The following UBAP1 variants were observed in gnomAD, a reference collection of about 807,000 sequenced individuals.
UBAP1 encodes the protein ubiquitin associated protein 1.
UBAP1 carries 5 observed loss-of-function variants against 39.0 expected under a neutral mutation model. That is an observed-to-expected ratio of 0.13 (90% CI 0.07 to 0.27). The LOEUF (loss-of-function observed/expected upper bound fraction) is 0.27, where lower values mean the gene tolerates loss of function less well. UBAP1 is among the 10% of genes least tolerant of loss of function. The pLI is 1.00. For synonymous variants in UBAP1, 211 were observed against 225.1 expected (o/e 0.94, Z 0.56); for missense variants, 490 against 608.1 (o/e 0.81, Z 2.04).
chr9:34,202,749 A>G (rs1831473455), intron 1 of UBAP1, among the ~76,000 whole-genome samples: 2 of 151,712 alleles, frequency 1.3e-5, no homozygotes, highest in Admixed American at 1.3e-4. Flanking sequence ...TTTTATATAC[A>G]TACCCTCTGC....
At chr9:34,205,718 A>G (rs1393446339) in intron 1 of UBAP1, among the ~76,000 whole-genome samples, 1 of 152,102 alleles carries the variant, frequency 6.6e-6, no homozygotes, top group Non-Finnish European at 1.5e-5. Flanking sequence ...GGTTGGCAGG[A>G]CGTGGTGGCT....
chr9:34,246,716 AGCTGTCTTGAGGTTAGGCTTG>A (rs1834195428), intron 4 of UBAP1, among the ~76,000 whole-genome samples: 1 of 152,222 alleles, frequency 6.6e-6, no homozygotes, highest in Non-Finnish European at 1.5e-5. Context: ...ACTTGGTAGA[AGCTGTCTTGAGGTTAGGCTTG>A]AGGGCCACAT....
chr9:34,210,910 A>G (rs2131554673), intron 1 of UBAP1, among the ~76,000 whole-genome samples: 1 of 152,126 alleles, frequency 6.6e-6, no homozygotes, highest in East Asian at 1.9e-4. Flanking sequence ...CATGTCAGGC[A>G]GTATATAAAA....
chr9:34,199,802 AT>A (rs34239421), intron 1 of UBAP1, among the ~76,000 whole-genome samples: 3,858 of 119,644 alleles, frequency 0.032, 88 homozygotes, highest in East Asian at 0.15. Flanking sequence ...TGCCTGGCTG[AT>A]TTTTTTTTTT....
In UBAP1 at chr9:34,241,638, T is replaced by C; in HGVS notation, c.613T>C (p.Ser205Pro). ...GGACAATAACTTGCCCAGGGGAGGCTCTGGGTCTGTGTTACAGGATGAGGA... is the reference window on the plus strand; with the variant it reads ...GGACAATAACTTGCCCAGGGGAGGCCCTGGGTCTGTGTTACAGGATGAGGA... ...LLDNNLPRGGSGSVLQDEEVL... is the reference protein window; with the variant it reads ...LLDNNLPRGGPGSVLQDEEVL... The change falls in exon 4 of 7, where the codon TCT (serine) becomes CCT (proline). Residue 205 changes from serine (S) to proline (P), a missense_variant. Coordinates refer to ENST00000297661, the MANE Select transcript of UBAP1 (RefSeq NM_016525.5). 1 of 1,613,970 alleles carries C rather than the reference T, an allele frequency of 6.2e-7. No individual in the cohort carries two copies. Among genetic ancestry groups the C allele is most frequent in the Non-Finnish European group, 8.5e-7 (1 of 1,179,968 alleles).
intron 3 of UBAP1, among the ~76,000 whole-genome samples, chr9:34,238,391 C>T (rs62556595): frequency 0.32 from 49,333 of 152,034 alleles, 9,815 homozygotes; most frequent in Non-Finnish European, 0.45. Context: ...ATAGGAATGG[C>T]ATTGCTGGGT....
chr9:34,194,772 TTA>T (rs1157348471), intron 1 of UBAP1, among the ~76,000 whole-genome samples: 1 of 152,224 alleles, frequency 6.6e-6, no homozygotes, highest in African/African-American at 2.4e-5. Flanking sequence ...TACAATAACT[TTA>T]TGAGATAGTT....
At chr9:34,191,241 A>C (rs1384389937) in intron 1 of UBAP1, among the ~76,000 whole-genome samples, 2 of 152,168 alleles carry the variant, frequency 1.3e-5, no homozygotes, top group East Asian at 3.8e-4. Flanking sequence ...ATTCTGAGTC[A>C]GTAGCTCTGG....
At position 34,248,016 on chromosome 9, in the gene UBAP1, C is replaced by T. The variant is rs557250809; in HGVS notation, c.1084-1763C>T. ...TCCACCAGTAGGGTATGTGAGAGTA[C>T]TGCATGTATGTTTAAAATAGATACG... On this transcript the variant is annotated intron_variant, in intron 4 of 6. Coordinates refer to ENST00000297661, the MANE Select transcript of UBAP1 (RefSeq NM_016525.5). 9.9e-5 allele frequency among the ~76,000 whole-genome samples: 15 copies of T among 151,828 alleles called. 1 individual carries two copies. In the South Asian group the frequency reaches 3.1e-3, roughly 32 times the overall value.
chr9:34,212,998 C>G (rs1192392169), intron 1 of UBAP1, among the ~76,000 whole-genome samples: 1 of 152,110 alleles, frequency 6.6e-6, no homozygotes, highest in Non-Finnish European at 1.5e-5. Flanking sequence ...AAAGATAATC[C>G]ACCATGATCA....
chr9:34,250,122 C>T (rs369703444), intron 5 of UBAP1, among the ~76,000 whole-genome samples, 161 bp downstream of exon 5: 120 of 152,306 alleles, frequency 7.9e-4, no homozygotes, highest in African/African-American at 2.8e-3. Flanking sequence ...GCCTTGGGAG[C>T]AGTACTTCTT....
At chr9:34,246,345 C>G (rs1449083539) in intron 4 of UBAP1, among the ~76,000 whole-genome samples, 1 of 152,230 alleles carries the variant, frequency 6.6e-6, no homozygotes. Flanking sequence ...GGATTATAGG[C>G]ATGAGCCATT....
intron 5 of UBAP1, among the ~76,000 whole-genome samples, chr9:34,250,421 G>A (rs1487002458): frequency 2.0e-5 from 3 of 152,306 alleles, no homozygotes; most frequent in East Asian, 3.9e-4. Flanking sequence ...GTCAGCTGTG[G>A]CTGCAACTCC....
At chr9:34,207,497 C>T (rs750376198) in intron 1 of UBAP1, among the ~76,000 whole-genome samples, 19 of 151,378 alleles carry the variant, frequency 1.3e-4, no homozygotes, top group African/African-American at 2.7e-4. Flanking sequence ...TTGAATATCC[C>T]GCTCAAGAGT....
At position 34,226,105 on chromosome 9, in the gene UBAP1, TTGTGTGTGTGTGTGTGTGTGTGTGTGTG is replaced by T. The variant is rs74180553; in HGVS notation, c.34+5182_34+5209del. On this transcript the variant is annotated intron_variant, in intron 2 of 6. Transcript: ENST00000297661. ...CCTTCTAAAGTTTCCTCCTACTCTA[TTGTGTGTGTGTGTGTGTGTGTGTGTGTG>T]TGTGTGTGTGTGTGTGTGTGTGTGG... Among the ~76,000 whole-genome samples, 7 of 88,308 alleles carry T rather than the reference TTGTGTGTGTGTGTGTGTGTGTGTGTGTG, an allele frequency of 7.9e-5. No homozygotes were observed. In the East Asian group the frequency reaches 2.2e-3, roughly 28 times the overall value. 57.9% of individuals were successfully genotyped at this position (88,308 alleles called of 152,430 possible).
chr9:34,215,309 A>G (rs1026458894), intron 1 of UBAP1, among the ~76,000 whole-genome samples: 4 of 151,236 alleles, frequency 2.6e-5, no homozygotes, highest in African/African-American at 9.8e-5. Context: ...GTATATAAGT[A>G]TGTATATATG....
intron 3 of UBAP1, 89 bp from the exon 4 acceptor site, chr9:34,241,096 G>A (rs1338382630): frequency 3.0e-5 from 28 of 934,648 alleles, no homozygotes; most frequent in Non-Finnish European, 3.5e-5. Flanking sequence ...TTATCCTCTT[G>A]CACCAGGAGT....
intron 1 of UBAP1, among the ~76,000 whole-genome samples, chr9:34,202,569 CA>C (rs1364647863): frequency 6.7e-6 from 1 of 149,138 alleles, no homozygotes; most frequent in Non-Finnish European, 1.5e-5. Flanking sequence ...AGCATTATAA[CA>C]GAAGACTCCA....
chr9:34,185,844 T>C (rs1348063162), intron 1 of UBAP1, among the ~76,000 whole-genome samples: 1 of 152,114 alleles, frequency 6.6e-6, no homozygotes, highest in Non-Finnish European at 1.5e-5. Flanking sequence ...CATCTCTGTC[T>C]CAAAAAAAGA....
Sources: allele counts gnomAD v4.1 joint callset (sites outside exome capture counted in the v4.1 genomes callset), GRCh38; gene constraint gnomAD v4.1.1; transcripts MANE v1.5; gene names NCBI Gene and HGNC (gene_info 2026-07-23, HGNC 2026-07-21).